The following CCDC138 variants were observed in gnomAD, a reference collection of about 807,000 sequenced individuals.
CCDC138 encodes the protein coiled-coil domain containing 138.
A neutral mutation model predicts 82.3 loss-of-function variants in CCDC138; 66 were observed. The ratio of observed to expected loss-of-function variants is 0.80; its 90% CI spans 0.66 to 0.98. CCDC138 has a LOEUF of 0.98. CCDC138 is among the 50% of genes least tolerant of loss of function. CCDC138 has a pLI of 0.00. For missense variants in CCDC138, 816 were observed against 758.9 expected (o/e 1.08, Z -0.88); for synonymous variants, 297 against 265.4 (o/e 1.12, Z -1.16).
chr2:108,849,193 T>C (rs1200204186), intron 12 of CCDC138, among the ~76,000 whole-genome samples: 1 of 152,046 alleles, frequency 6.6e-6, no homozygotes, highest in African/African-American at 2.4e-5. Flanking sequence ...AAAAAAAATC[T>C]ACAAAAAAGA....
intron 13 of CCDC138, among the ~76,000 whole-genome samples, chr2:108,865,185 T>C (rs1694233882): frequency 6.6e-6 from 1 of 152,158 alleles, no homozygotes; most frequent in Non-Finnish European, 1.5e-5. Flanking sequence ...ATCTTGAAGA[T>C]CTTATATAAA....
chr2:108,864,565 A>G (rs928181655), intron 13 of CCDC138, among the ~76,000 whole-genome samples: 8 of 152,134 alleles, frequency 5.3e-5, no homozygotes, highest in Non-Finnish European at 1.2e-4. Context: ...TGGGAGGCCA[A>G]GGCGGGCAGA....
chr2:108,862,161 A>G lies in CCDC138; in HGVS notation c.1693+5191A>G, dbSNP rs544069103. ...TTTCACATGCAGATGAGAAGAATAT[A>G]TATTCTGTGGTTGTGGGAATGACCC... is the stretch of plus-strand genomic sequence containing the variant. On this transcript the variant is annotated intron_variant, in intron 13 of 14. Transcript: ENST00000295124. Among the ~76,000 whole-genome samples the G allele has an allele frequency of 1.1e-4, 16 of 149,798 alleles. No homozygotes were observed. The South Asian group carries it at 3.4e-3, about 32-fold the overall frequency.
chr2:108,842,207 T>G (rs540875369), intron 11 of CCDC138, among the ~76,000 whole-genome samples: 3 of 152,056 alleles, frequency 2.0e-5, no homozygotes, highest in South Asian at 2.1e-4. Context: ...AAAAAGTTTT[T>G]TTTTTTTTTT....
At chr2:108,791,158 GCTA>G (rs1679849957) in intron 3 of CCDC138, among the ~76,000 whole-genome samples, 2 of 151,890 alleles carry the variant, frequency 1.3e-5, no homozygotes, top group South Asian at 4.2e-4. Context: ...TTTTTAACGT[GCTA>G]CTAGAAAATT....
chr2:108,824,171 T>G (rs78956205), intron 10 of CCDC138, among the ~76,000 whole-genome samples: 1 of 7,138 alleles, frequency 1.4e-4, no homozygotes, highest in Non-Finnish European at 4.7e-4. Context: ...GAAAAAAAAA[T>G]TTTTTCTTCA....
chr2:108,878,075 A>T (rs759521578), downstream of CCDC138, among the ~76,000 whole-genome samples: 61 of 152,212 alleles, frequency 4.0e-4, no homozygotes, highest in Non-Finnish European at 3.2e-4. Flanking sequence ...ATTCTGGAGA[A>T]AGAAATGACT....
chr2:108,829,214 A>G (rs1687119489), intron 10 of CCDC138, among the ~76,000 whole-genome samples: 1 of 152,178 alleles, frequency 6.6e-6, no homozygotes, highest in South Asian at 2.1e-4. Context: ...GGGAGGAAAT[A>G]TTAGCAAATT....
chr2:108,790,196 C>G (rs1012545583), intron 3 of CCDC138, among the ~76,000 whole-genome samples: 19 of 152,080 alleles, frequency 1.2e-4, no homozygotes, highest in South Asian at 8.3e-4. Flanking sequence ...TCTAGTTGAT[C>G]TAGATTTAGG....
chr2:108,832,528 G>A (rs1374639713), intron 10 of CCDC138, among the ~76,000 whole-genome samples: 1 of 151,894 alleles, frequency 6.6e-6, no homozygotes, highest in Admixed American at 6.6e-5. Flanking sequence ...TGTATTTTTA[G>A]TAGAGACGGG....
chr2:108,787,480 ACG>A (rs1679073828), intron 1 of CCDC138, among the ~76,000 whole-genome samples: 2 of 152,164 alleles, frequency 1.3e-5, no homozygotes, highest in African/African-American at 2.4e-5. Flanking sequence ...AAGCATAAGG[ACG>A]TTGTCTTTTA....
chr2:108,884,463 T>G (rs930775315), intron 2 of CCDC138: 1 of 152,204 alleles, frequency 6.6e-6, no homozygotes, highest in Non-Finnish European at 1.5e-5. Flanking sequence ...ACAGTGAATA[T>G]GTTCCCATTC....
At chr2:108,832,469 T>A (rs970089547) in intron 10 of CCDC138, among the ~76,000 whole-genome samples, 6 of 150,002 alleles carry the variant, frequency 4.0e-5, no homozygotes, top group Admixed American at 4.0e-4. Context: ...TGCCTCGGCC[T>A]CCCAAGTAGC....
chr2:108,788,061 G>A lies in CCDC138; in HGVS notation c.123G>A (p.Lys41=). 2 of 1,593,864 alleles carry A rather than the reference G, an allele frequency of 1.3e-6. No homozygotes were observed. Among genetic ancestry groups the A allele is most frequent in the Non-Finnish European group, 1.7e-6 (2 of 1,170,646 alleles). ...EYDFSNFYQS[K]YKRRTLTSPG... ...ATTTTTCAAATTTTTATCAGTCTAA[G>A]TATAAGAGAAGAACTCTAACCTCCC... The change falls in exon 2 of 15, where the codon AAG becomes AAA. Residue 41 remains lysine (K), a synonymous_variant. Coordinates refer to ENST00000295124, the MANE Select transcript of CCDC138 (RefSeq NM_144978.3).
At chr2:108,830,588 C>T (rs1212491092) in intron 10 of CCDC138, among the ~76,000 whole-genome samples, 1 of 151,714 alleles carries the variant, frequency 6.6e-6, no homozygotes, top group Non-Finnish European at 1.5e-5. Flanking sequence ...GGGCAGATCA[C>T]CTGATGTCAG....
Position 108,838,900 on chromosome 2 carries a change from T to C in CCDC138, c.1207-285T>C, listed in dbSNP as rs188467024. Among the ~76,000 whole-genome samples, 3 of 152,310 alleles carry C rather than the reference T, an allele frequency of 2.0e-5. No homozygotes were observed. In the East Asian group the frequency reaches 5.8e-4, roughly 29 times the overall value. On this transcript the variant is annotated intron_variant, in intron 10 of 14. Transcript: ENST00000295124. ...TCATTTTTAATGGTTACATATATAC[T>C]ATAAACTTATTTAATCATTTAAGGT...
chr2:108,851,270 C>G (rs1244986747), intron 12 of CCDC138, among the ~76,000 whole-genome samples: 1 of 152,046 alleles, frequency 6.6e-6, no homozygotes, highest in Non-Finnish European at 1.5e-5. Context: ...GCTCTCTGAA[C>G]CCATTTCTCT....
intron 6 of CCDC138, among the ~76,000 whole-genome samples, chr2:108,803,289 G>A (rs115635807): frequency 0.014 from 2,096 of 152,328 alleles, 42 homozygotes; most frequent in Admixed American, 0.02. Context: ...ACCAGAGTGA[G>A]AGGATCCTCT....
intron 11 of CCDC138, among the ~76,000 whole-genome samples, chr2:108,842,814 G>A (rs1198117278): frequency 6.6e-6 from 1 of 152,040 alleles, no homozygotes. Flanking sequence ...TGAATGCCAG[G>A]GCAACATCAA....
Sources: gnomAD v4.1 joint callset for allele counts (sites outside exome capture counted in the v4.1 genomes callset) on GRCh38, gnomAD v4.1.1 for gene constraint, MANE v1.5 for transcripts, NCBI Gene and HGNC (gene_info 2026-07-23, HGNC 2026-07-21) for gene names.